PPP1R21: variants seen among roughly 807,000 people sequenced by gnomAD.
PPP1R21 encodes KLRAQ motif containing 1.
A neutral mutation model predicts 112.8 loss-of-function variants in PPP1R21; 85 were observed. The observed-to-expected ratio is 0.75, with a 90% CI of 0.63 to 0.90. The LOEUF is 0.90. Ranked by LOEUF, PPP1R21 falls within the 40% of genes least tolerant of loss-of-function variation. The probability of loss-of-function intolerance (pLI) is 0.00; values close to 1 mark genes in which losing one functional copy is unlikely to be tolerated. For synonymous variants in PPP1R21, 381 were observed against 322.3 expected (o/e 1.18, Z -1.95); for missense variants, 1,199 against 901.5 (o/e 1.33, Z -4.23).
chr2:48,506,320 C>A (rs933933565), intron 18 of PPP1R21, among the ~76,000 whole-genome samples: 1 of 152,166 alleles, frequency 6.6e-6, no homozygotes, highest in Non-Finnish European at 1.5e-5. Context: ...TCTCAAACTC[C>A]TGAGTTCAGG....
intron 8 of PPP1R21, 53 bp from the exon 9 acceptor site, chr2:48,465,435 GTTCTT>G (rs1668156262): frequency 6.7e-7 from 1 of 1,490,540 alleles, no homozygotes; most frequent in Middle Eastern, 1.8e-4. Context: ...ACTCAATAAA[GTTCTT>G]TTAGGATAAT....
chr2:48,509,612 G>T (rs1312003290), intron 19 of PPP1R21, among the ~76,000 whole-genome samples: 1 of 151,968 alleles, frequency 6.6e-6, no homozygotes, highest in Admixed American at 6.6e-5. Context: ...AGCTGAGGCA[G>T]GAGGATCACT....
intron 13 of PPP1R21, 123 bp from the exon 14 acceptor site, chr2:48,486,508 A>T (rs867632901): frequency 5.6e-6 from 4 of 712,806 alleles, no homozygotes; most frequent in Non-Finnish European, 4.7e-6. Flanking sequence ...GACACTTGAG[A>T]CCATTCTTTG....
intron 15 of PPP1R21, among the ~76,000 whole-genome samples, chr2:48,491,872 T>C (rs893959462): frequency 5.9e-5 from 9 of 152,146 alleles, no homozygotes; most frequent in Admixed American, 5.9e-4. Flanking sequence ...AATAATAAAA[T>C]ATAAAATATA....
At chr2:48,478,514 G>A (rs1005878585) in intron 12 of PPP1R21, among the ~76,000 whole-genome samples, 1 of 152,194 alleles carries the variant, frequency 6.6e-6, no homozygotes, top group African/African-American at 2.4e-5. Context: ...ATCACACCCA[G>A]GTTTAAGCTC....
intron 19 of PPP1R21, among the ~76,000 whole-genome samples, chr2:48,508,371 C>A (rs1169343547): frequency 6.6e-6 from 1 of 152,124 alleles, no homozygotes; most frequent in Non-Finnish European, 1.5e-5. Flanking sequence ...TTTTGATTTT[C>A]TCTTATACTA....
intron 9 of PPP1R21, among the ~76,000 whole-genome samples, chr2:48,467,855 A>AT (rs1296808423): frequency 6.6e-6 from 1 of 152,228 alleles, no homozygotes; most frequent in African/African-American, 2.4e-5. Flanking sequence ...CAGGGTGGAA[A>AT]TTGAGGGAAA....
At chr2:48,447,879 G>C (rs372401034) in intron 1 of PPP1R21, among the ~76,000 whole-genome samples, 9 of 152,250 alleles carry the variant, frequency 5.9e-5, no homozygotes, top group African/African-American at 2.2e-4. Context: ...GAACCCGAGA[G>C]GTGGAGGCTG....
At position 48,466,242 on chromosome 2, in the gene PPP1R21, C is replaced by T. The variant is rs527324286; in HGVS notation, c.897+600C>T. ...TTTTTCTTTTTTTGAGGTGGAGTCT[C>T]GCTCTGTTGCCCAGGTTGGAGTGCA... On this transcript the variant is annotated intron_variant, in intron 9 of 21. Transcript: ENST00000294952. Among the ~76,000 whole-genome samples, 28 of 151,358 alleles carry T rather than the reference C, an allele frequency of 1.8e-4. 2 individuals carry two copies. In the South Asian group the frequency reaches 5.0e-3, roughly 27 times the overall value.
intron 13 of PPP1R21, among the ~76,000 whole-genome samples, chr2:48,486,430 A>C (rs1282005223): frequency 6.6e-6 from 1 of 152,210 alleles, no homozygotes; most frequent in African/African-American, 2.4e-5. Context: ...GATGGTGTTC[A>C]GAGATCCTTA....
At position 48,459,871 on chromosome 2, in the gene PPP1R21, T is replaced by A; in HGVS notation, c.493T>A (p.Tyr165Asn). The A allele has an allele frequency of 6.2e-7, 1 of 1,614,166 alleles. No individual in the cohort carries two copies. The highest frequency in any genetic ancestry group is 8.5e-7 in the Non-Finnish European group (1 of 1,180,040). ...TGTGGTTGACGGTCTCACCCGGAAG[T>A]ACATGGAAACCATTGAGAAGCTGCA... ...QAVVDGLTRKYMETIEKLQND... is the reference protein window; with the variant it reads ...QAVVDGLTRKNMETIEKLQND... Residue 165 changes from tyrosine (Y) to asparagine (N), a missense_variant, in exon 5 of 22, where the codon TAC (tyrosine) becomes AAC (asparagine). Transcript: ENST00000294952.
In PPP1R21 at chr2:48,480,033, A is replaced by T. The variant is rs1668939876; in HGVS notation, c.1318+17A>T. ...TTATGAAAGGTAGGCCTTGAAAAAG[A>T]ACGTAAGCTTAAAACCTTTGCCCCA... On this transcript the variant is annotated intron_variant, in intron 13 of 21. Transcript: ENST00000294952. 1 of 1,540,598 alleles carries T rather than the reference A, an allele frequency of 6.5e-7. No homozygotes were observed. The highest frequency in any genetic ancestry group is 1.7e-5 in the Admixed American group (1 of 59,922).
chr2:48,508,608 T>A (rs1307482933), intron 19 of PPP1R21, among the ~76,000 whole-genome samples: 1 of 152,208 alleles, frequency 6.6e-6, no homozygotes, highest in Non-Finnish European at 1.5e-5. Flanking sequence ...AAGCCGGCAG[T>A]CCAGCAGGCA....
intron 2 of PPP1R21, among the ~76,000 whole-genome samples, chr2:48,451,848 T>C (rs1257515875): frequency 6.6e-6 from 1 of 152,192 alleles, no homozygotes; most frequent in African/African-American, 2.4e-5. Context: ...GATAAGCCCC[T>C]GATCAGTAAT....
At chr2:48,451,975 G>A (rs1667495800) in intron 2 of PPP1R21, among the ~76,000 whole-genome samples, 1 of 152,172 alleles carries the variant, frequency 6.6e-6, no homozygotes, top group African/African-American at 2.4e-5. Context: ...CTCAGGTGCT[G>A]TTAGCACACT....
intron 16 of PPP1R21, 135 bp downstream of exon 16, chr2:48,495,906 C>T (rs1669814330): frequency 1.8e-6 from 1 of 565,720 alleles, no homozygotes; most frequent in African/African-American, 1.9e-5. Flanking sequence ...TTAATACATA[C>T]TAAAAAGCAA....
At chr2:48,502,726 G>C (rs1670179423) in intron 17 of PPP1R21, among the ~76,000 whole-genome samples, 1 of 145,780 alleles carries the variant, frequency 6.9e-6, no homozygotes, top group Admixed American at 6.9e-5. Flanking sequence ...TGTGGCCCAG[G>C]CTGGAGTGCA....
chr2:48,441,025 C>A lies in PPP1R21; in HGVS notation c.57+15C>A. ...AGTACTCGAAGGTACCCATCGTGGT[C>A]TGGGAGTAGGGGGTCCCCCGCCCTG... On this transcript the variant is annotated intron_variant, in intron 1 of 21. Transcript: ENST00000294952. 2 of 1,587,456 alleles carry A rather than the reference C, an allele frequency of 1.3e-6. No individual in the cohort carries two copies. The highest frequency in any genetic ancestry group is 1.7e-6 in the Non-Finnish European group (2 of 1,157,252).
At chr2:48,444,939 T>C (rs145713844) in intron 1 of PPP1R21, among the ~76,000 whole-genome samples, 1,539 of 151,844 alleles carry the variant, frequency 0.01, 41 homozygotes, top group Admixed American at 0.052. Context: ...TACTTTGCAA[T>C]TGATGCTTCC....
Sources: allele counts gnomAD v4.1 joint callset (sites outside exome capture counted in the v4.1 genomes callset), GRCh38; gene constraint gnomAD v4.1.1; transcripts MANE v1.5; gene names NCBI Gene and HGNC (gene_info 2026-07-23, HGNC 2026-07-21).